FBXO4: variants seen among roughly 807,000 people sequenced by gnomAD.
FBXO4 encodes F-box protein 4.
FBXO4 carries 36 observed loss-of-function variants against 43.7 expected under a neutral mutation model. That is an observed-to-expected ratio of 0.82 (90% confidence interval 0.63 to 1.09). The LOEUF (loss-of-function observed/expected upper bound fraction) is 1.09, where lower values mean the gene tolerates loss of function less well. Ranked by LOEUF, FBXO4 falls within the 50% of genes least tolerant of loss-of-function variation. FBXO4 has a pLI of 0.00. For missense variants in FBXO4, 435 were observed against 474.1 expected (o/e 0.92, Z 0.77); for synonymous variants, 180 against 165.6 (o/e 1.09, Z -0.67).
the FBXO4 span, among the ~76,000 whole-genome samples, chr5:41,965,459 A>G: frequency 6.6e-6 from 1 of 152,184 alleles, no homozygotes; most frequent in Non-Finnish European, 1.5e-5. Flanking sequence ...CATTGAATCT[A>G]TAAATTACCT....
At chr5:41,959,422 G>A in the FBXO4 span, among the ~76,000 whole-genome samples, 5 of 150,228 alleles carry the variant, frequency 3.3e-5, no homozygotes, top group African/African-American at 1.0e-4. Context: ...TCTTCTTGTT[G>A]CCTGTGCTTT....
At chr5:42,039,646 T>C in the FBXO4 span, among the ~76,000 whole-genome samples, 3 of 152,094 alleles carry the variant, frequency 2.0e-5, no homozygotes, top group African/African-American at 4.8e-5. Context: ...CTATTGAGTG[T>C]GGGCACACCT....
At chr5:42,000,598 A>C in the FBXO4 span, among the ~76,000 whole-genome samples, 2 of 151,990 alleles carry the variant, frequency 1.3e-5, no homozygotes, top group African/African-American at 4.8e-5. Flanking sequence ...ATGCAATCTA[A>C]TTTTCCTGTT....
In FBXO4 at chr5:41,934,263, G is replaced by C; in HGVS notation, c.853G>C (p.Val285Leu). Residue 285 changes from valine (V) to leucine (L), a missense_variant, in exon 5 of 7, where the codon GTT becomes CTT. Transcript: ENST00000281623. The part of the protein sequence containing the change: ...VIPQIQKVCE[V>L]VDGFIYVANA... ...TCCACAGATTCAAAAAGTGTGTGAA[G>C]TTGTAGATGGGTTCATCTATGTTGC... is the stretch of plus-strand genomic sequence containing the variant. The C allele has an allele frequency of 1.2e-6, 2 of 1,614,160 alleles. No individual in the cohort carries two copies. Among genetic ancestry groups the C allele is most frequent in the Non-Finnish European group, 1.7e-6 (2 of 1,180,006 alleles).
the FBXO4 span, among the ~76,000 whole-genome samples, chr5:41,974,164 G>C: frequency 2.6e-5 from 4 of 152,182 alleles, no homozygotes; most frequent in African/African-American, 9.6e-5. Context: ...GCTTTCAGCA[G>C]TTTTAAGATG....
the FBXO4 span, among the ~76,000 whole-genome samples, chr5:42,025,885 A>G: frequency 1.3e-5 from 2 of 151,672 alleles, no homozygotes; most frequent in African/African-American, 4.8e-5. Context: ...TCTCTTTTCT[A>G]TTCCATTGGC....
Position 41,941,326 on chromosome 5 carries a change from A to G in FBXO4, c.*45A>G. 1 of 1,540,866 alleles carries G rather than the reference A, an allele frequency of 6.5e-7. No homozygotes were observed. The highest frequency in any genetic ancestry group is 9.0e-7 in the Non-Finnish European group (1 of 1,114,630). ...GAACTGAAACCATTTGAAATTTATT[A>G]CTAAGGTCGTGATGTGAATATTTGC... On this transcript the variant is annotated 3_prime_UTR_variant, in exon 7 of 7. Transcript: ENST00000281623.
the FBXO4 span, among the ~76,000 whole-genome samples, chr5:42,006,033 G>A: frequency 6.6e-6 from 1 of 151,790 alleles, no homozygotes; most frequent in South Asian, 2.1e-4. Context: ...CAAATGTTTG[G>A]CTCTTTTGTA....
At chr5:42,005,902 C>T in the FBXO4 span, among the ~76,000 whole-genome samples, 11 of 152,090 alleles carry the variant, frequency 7.2e-5, no homozygotes, top group East Asian at 2.1e-3. Context: ...TATTGCCTAT[C>T]AGTAACTTTT....
the FBXO4 span, among the ~76,000 whole-genome samples, chr5:41,994,844 C>T: frequency 2.6e-5 from 4 of 152,040 alleles, no homozygotes; most frequent in East Asian, 1.9e-4. Flanking sequence ...AATGTAATGT[C>T]GTGGGAACAG....
chr5:41,984,684 T>C, the FBXO4 span, among the ~76,000 whole-genome samples: 1 of 152,198 alleles, frequency 6.6e-6, no homozygotes, highest in African/African-American at 2.4e-5. Context: ...CAAATTTTTG[T>C]ATTTTTGGCA....
chr5:41,966,003 T>TG, the FBXO4 span, among the ~76,000 whole-genome samples: 32 of 152,142 alleles, frequency 2.1e-4, no homozygotes, highest in Non-Finnish European at 3.8e-4. Context: ...TGTAGGGACA[T>TG]GGATGAAGCT....
At chr5:41,949,759 C>T in the FBXO4 span, among the ~76,000 whole-genome samples, 1 of 152,184 alleles carries the variant, frequency 6.6e-6, no homozygotes, top group Non-Finnish European at 1.5e-5. Flanking sequence ...ATAGCTAAGA[C>T]AATCCCAAGC....
chr5:42,006,914 A>ATATATATATATATATATATGTATG, the FBXO4 span, among the ~76,000 whole-genome samples: 3 of 141,502 alleles, frequency 2.1e-5, no homozygotes, highest in African/African-American at 8.0e-5. Flanking sequence ...ATATATATAT[A>ATATATATATATATATATATGTATG]TATGTATATA....
the FBXO4 span, among the ~76,000 whole-genome samples, chr5:42,009,438 A>C: frequency 6.6e-6 from 1 of 151,434 alleles, no homozygotes; most frequent in African/African-American, 2.4e-5. Context: ...TCAATCTTCT[A>C]AATATTTTCC....
At chr5:42,029,258 G>A in the FBXO4 span, among the ~76,000 whole-genome samples, 4 of 151,872 alleles carry the variant, frequency 2.6e-5, no homozygotes, top group African/African-American at 9.7e-5. Flanking sequence ...CTTTATATAC[G>A]TCATGCCACT....
At chr5:41,975,146 A>G in the FBXO4 span, among the ~76,000 whole-genome samples, 2 of 151,990 alleles carry the variant, frequency 1.3e-5, no homozygotes, top group East Asian at 1.9e-4. Context: ...AATCCCTAGG[A>G]CTCTATGGTC....
At chr5:41,971,377 T>C in the FBXO4 span, among the ~76,000 whole-genome samples, 1 of 151,984 alleles carries the variant, frequency 6.6e-6, no homozygotes, top group Non-Finnish European at 1.5e-5. Context: ...CTATACTTTT[T>C]AAAAGTACAA....
At chr5:41,983,202 A>G in the FBXO4 span, among the ~76,000 whole-genome samples, 307 of 152,330 alleles carry the variant, frequency 2.0e-3, 3 homozygotes, top group African/African-American at 7.3e-3. Context: ...TCTTTATAGT[A>G]AAATGATTTA....
Sources: gnomAD v4.1 joint callset for allele counts (sites outside exome capture counted in the v4.1 genomes callset) on GRCh38, gnomAD v4.1.1 for gene constraint, MANE v1.5 for transcripts, NCBI Gene and HGNC (gene_info 2026-07-23, HGNC 2026-07-21) for gene names.